HLF: variants seen among roughly 807,000 people sequenced by gnomAD.
HLF encodes HLF transcription factor, PAR bZIP family member.
Under a neutral mutation model 22.6 loss-of-function variants are expected in HLF, and 3 were observed. The ratio of observed to expected loss-of-function variants is 0.13; its 90% CI spans 0.06 to 0.34. The LOEUF (loss-of-function observed/expected upper bound fraction) is 0.34. Ranked by LOEUF, HLF falls within the 10% of genes least tolerant of loss-of-function variation. The probability of loss-of-function intolerance (pLI) is 1.00; values close to 1 mark genes in which losing one functional copy is unlikely to be tolerated. For synonymous variants in HLF, 151 were observed against 151.8 expected (o/e 0.99, Z 0.04); for missense variants, 299 against 389.2 (o/e 0.77, Z 1.95).
chr17:55,286,622 C>T (rs1014298848), intron 2 of HLF, among the ~76,000 whole-genome samples: 1 of 152,122 alleles, frequency 6.6e-6, no homozygotes, highest in African/African-American at 2.4e-5. Context: ...ATAATAATGA[C>T]GTTTCTTTTC....
chr17:55,298,894 A>G (rs992170079), intron 2 of HLF, among the ~76,000 whole-genome samples: 9 of 152,236 alleles, frequency 5.9e-5, no homozygotes, highest in Admixed American at 4.6e-4. Context: ...TGCTCAATGA[A>G]TGTTAATTCA....
At chr17:55,271,262 G>C (rs1027861719) in intron 2 of HLF, among the ~76,000 whole-genome samples, 1 of 152,246 alleles carries the variant, frequency 6.6e-6, no homozygotes, top group African/African-American at 2.4e-5. Context: ...ATATTAATAA[G>C]AGCATAATTA....
rs750482879 is a variant in HLF, at chr17:55,321,418, T to C, written c.*539T>C. ...CTCCGCAGCTCTAGTCCTTTATAAG[T>C]TGCTTTCCTCTTACTTTCAGTTTTG... On this transcript the variant is annotated 3_prime_UTR_variant, in exon 4 of 4. Transcript: ENST00000226067. The C allele has an allele frequency of 6.0e-5, 14 of 232,718 alleles. No individual in the cohort carries two copies. Among genetic ancestry groups the C allele is most frequent in the Non-Finnish European group, 8.5e-5 (10 of 117,542 alleles). The allele number at this position is 232,718 out of a possible 1,614,324, so 14.4% of individuals were successfully genotyped here. A position where few individuals can be genotyped will look rare whatever the true frequency, so the allele number is the denominator to read the frequency against.
chr17:55,281,814 A>C (rs1287806243), intron 2 of HLF, among the ~76,000 whole-genome samples: 1 of 152,202 alleles, frequency 6.6e-6, no homozygotes, highest in Non-Finnish European at 1.5e-5. Context: ...TTCTGACTAC[A>C]GGCAGCTTAA....
intron 2 of HLF, among the ~76,000 whole-genome samples, chr17:55,284,909 T>G (rs1021935588): frequency 2.0e-5 from 3 of 152,170 alleles, no homozygotes; most frequent in African/African-American, 7.2e-5. Context: ...TTCCTCAACC[T>G]AGGAACCTCC....
intron 2 of HLF, among the ~76,000 whole-genome samples, chr17:55,276,078 A>G (rs574585236): frequency 4.7e-4 from 72 of 152,356 alleles, no homozygotes; most frequent in African/African-American, 1.7e-3. Flanking sequence ...ATTACACTCC[A>G]GCCTGGGTAA....
chr17:55,300,456 T>C (rs771519064), intron 2 of HLF, among the ~76,000 whole-genome samples: 5 of 152,178 alleles, frequency 3.3e-5, no homozygotes, highest in Non-Finnish European at 7.4e-5. Flanking sequence ...ATAGCCTACA[T>C]TGGTATATGA....
chr17:55,319,712 G>T (rs1174124490), intron 3 of HLF, among the ~76,000 whole-genome samples: 1 of 152,020 alleles, frequency 6.6e-6, no homozygotes, highest in South Asian at 2.1e-4. Context: ...TTAGCGGCAG[G>T]TTGAAGATTT....
At chr17:55,318,250 TAAC>T (rs982382311) in intron 3 of HLF, among the ~76,000 whole-genome samples, 1 of 152,172 alleles carries the variant, frequency 6.6e-6, no homozygotes, top group African/African-American at 2.4e-5. Flanking sequence ...CCTTCTGCGA[TAAC>T]AAAGGGAGGC....
intron 3 of HLF, among the ~76,000 whole-genome samples, chr17:55,317,857 A>G (rs1905129343): frequency 6.6e-6 from 1 of 152,150 alleles, no homozygotes; most frequent in African/African-American, 2.4e-5. Context: ...AAGAAGGGAG[A>G]ATTGAGGTTG....
At chr17:55,272,369 G>A (rs2145299722) in intron 2 of HLF, 1 of 152,366 alleles carries the variant, frequency 6.6e-6, no homozygotes, top group African/African-American at 2.4e-5. Context: ...TGTAAAGCCA[G>A]ATTTGAAATT....
At chr17:55,312,660 C>T (rs1027786462) in intron 2 of HLF, among the ~76,000 whole-genome samples, 8 of 152,120 alleles carry the variant, frequency 5.3e-5, no homozygotes, top group Non-Finnish European at 8.8e-5. Flanking sequence ...AAGAGGTTCA[C>T]GTCAAGATGT....
chr17:55,322,051 T>G lies in HLF; in HGVS notation c.*1172T>G. 1 of 213,470 alleles carries G rather than the reference T, an allele frequency of 4.7e-6. No individual in the cohort carries two copies. Among genetic ancestry groups the G allele is most frequent in the Non-Finnish European group, 9.5e-6 (1 of 105,352 alleles). The allele number at this position is 213,470 out of a possible 1,614,324, so 13.2% of individuals were successfully genotyped here. A position where few individuals can be genotyped will look rare whatever the true frequency, so the allele number is the denominator to read the frequency against. ...ATTAAGTTAATAAGTTGATGTTTTC[T>G]AAGGCCCTTTTTCCTAGTGGTGTCA... On this transcript the variant is annotated 3_prime_UTR_variant, in exon 4 of 4. Coordinates refer to ENST00000226067, the MANE Select transcript of HLF (RefSeq NM_002126.5).
chr17:55,273,753 T>C (rs2080878880), intron 2 of HLF: 2 of 126,094 alleles, frequency 1.6e-5, no homozygotes, highest in African/African-American at 5.6e-5. Flanking sequence ...TGTGCTGGCT[T>C]GCTTTTTTTT....
At chr17:55,294,491 T>G (rs960888737) in intron 2 of HLF, among the ~76,000 whole-genome samples, 61 of 152,160 alleles carry the variant, frequency 4.0e-4, no homozygotes, top group African/African-American at 1.4e-3. Context: ...GTGGGAGAGA[T>G]ACGCACGTGA....
chr17:55,311,489 G>C (rs1209430150), intron 2 of HLF, among the ~76,000 whole-genome samples: 1 of 152,072 alleles, frequency 6.6e-6, no homozygotes, highest in Non-Finnish European at 1.5e-5. Flanking sequence ...GGGTGACAGA[G>C]CGAGAGTCTG....
chr17:55,324,734 T>C lies in HLF; in HGVS notation c.*3855T>C, dbSNP rs1366784244. 4.3e-6 allele frequency: 1 copy of C among 233,264 alleles called. No individual in the cohort carries two copies. Among genetic ancestry groups the C allele is most frequent in the Non-Finnish European group, 8.5e-6 (1 of 118,036 alleles). The allele number at this position is 233,264 out of a possible 1,614,324, so 14.4% of individuals were successfully genotyped here. On this transcript the variant is annotated 3_prime_UTR_variant, in exon 4 of 4. Transcript: ENST00000226067. ...CATTTAAAAAATGAGCAAAGCCTTA[T>C]CCGAATCGGATATAGCAACTAAAGT...
intron 2 of HLF, among the ~76,000 whole-genome samples, chr17:55,295,301 G>T (rs1030330684): frequency 6.6e-6 from 1 of 152,182 alleles, no homozygotes; most frequent in African/African-American, 2.4e-5. Context: ...GTTTTTCTTG[G>T]CTGATACTAA....
chr17:55,312,113 C>T (rs1210032785), intron 2 of HLF, among the ~76,000 whole-genome samples: 2 of 152,158 alleles, frequency 1.3e-5, no homozygotes, highest in East Asian at 1.9e-4. Flanking sequence ...TTGTGAATAG[C>T]GCTGCGATGA....
Sources: gnomAD v4.1 joint callset for allele counts (sites outside exome capture counted in the v4.1 genomes callset) on GRCh38, gnomAD v4.1.1 for gene constraint, MANE v1.5 for transcripts, NCBI Gene and HGNC (gene_info 2026-07-23, HGNC 2026-07-21) for gene names.